Variants in SCHIP1 observed in about 807,000 individuals in gnomAD.
SCHIP1 encodes the protein schwannomin interacting protein 1.
In SCHIP1, 8 loss-of-function variants were observed where a neutral mutation model predicts 29.7. The ratio of observed to expected loss-of-function variants is 0.27; its 90% CI spans 0.16 to 0.49. The LOEUF (loss-of-function observed/expected upper bound fraction) is 0.49, where lower values mean the gene tolerates loss of function less well. SCHIP1 is among the 20% of genes least tolerant of loss of function. The pLI is 0.99. For synonymous variants in SCHIP1, 76 were observed against 94.9 expected (o/e 0.80, Z 1.16); for missense variants, 193 against 294.6 (o/e 0.66, Z 2.52).
chr3:159,560,981 A>C, the SCHIP1 span, among the ~76,000 whole-genome samples: 2 of 152,150 alleles, frequency 1.3e-5, no homozygotes, highest in South Asian at 4.1e-4. Flanking sequence ...GATACTCTGG[A>C]AAGCATTTTT....
chr3:159,718,633 T>C, the SCHIP1 span, among the ~76,000 whole-genome samples: 4 of 152,190 alleles, frequency 2.6e-5, no homozygotes, highest in South Asian at 2.1e-4. Flanking sequence ...CCATTCACAA[T>C]TGCTTCAAAG....
At chr3:159,877,279 G>A (rs1001638265) in intron 2 of SCHIP1, among the ~76,000 whole-genome samples, 3 of 152,178 alleles carry the variant, frequency 2.0e-5, no homozygotes, top group African/African-American at 7.2e-5. Context: ...TAACCCTGGA[G>A]GCAGAGGTTG....
chr3:159,750,339 A>G, the SCHIP1 span, among the ~76,000 whole-genome samples: 1 of 151,066 alleles, frequency 6.6e-6, no homozygotes, highest in South Asian at 2.1e-4. Flanking sequence ...ATATATGCAC[A>G]TATATAATTT....
the SCHIP1 span, among the ~76,000 whole-genome samples, chr3:159,319,790 T>A: frequency 1.3e-5 from 2 of 152,328 alleles, no homozygotes; most frequent in Admixed American, 1.3e-4. Context: ...ATAAAAGCAT[T>A]TCCTCCTTTT....
At chr3:159,293,114 C>A in the SCHIP1 span, among the ~76,000 whole-genome samples, 2 of 152,054 alleles carry the variant, frequency 1.3e-5, no homozygotes, top group Non-Finnish European at 2.9e-5. Flanking sequence ...ACATGATAAC[C>A]AATAATTAAA....
At chr3:159,888,088 A>G in intron 4 of SCHIP1, 183 bp downstream of exon 5, 1 of 820,056 alleles carries the variant, frequency 1.2e-6, no homozygotes, top group South Asian at 1.9e-5. Flanking sequence ...TGAAAAATAC[A>G]GAAGCAATAG....
the SCHIP1 span, among the ~76,000 whole-genome samples, chr3:159,428,873 G>C: frequency 1.3e-5 from 2 of 152,114 alleles, no homozygotes; most frequent in East Asian, 1.9e-4. Context: ...GCCATAAAAA[G>C]TGATGAGTTC....
At chr3:159,741,952 T>C in the SCHIP1 span, among the ~76,000 whole-genome samples, 1 of 152,256 alleles carries the variant, frequency 6.6e-6, no homozygotes, top group East Asian at 1.9e-4. Flanking sequence ...AAAAGGAGGC[T>C]GGGCACGGTG....
intron 2 of SCHIP1, among the ~76,000 whole-genome samples, chr3:159,868,053 A>G (rs1459431188): frequency 1.4e-5 from 2 of 139,564 alleles, no homozygotes; most frequent in Non-Finnish European, 1.6e-5. Context: ...ACATATACCT[A>G]TGTACATATA....
At chr3:159,331,895 A>G in the SCHIP1 span, among the ~76,000 whole-genome samples, 4 of 152,214 alleles carry the variant, frequency 2.6e-5, no homozygotes, top group African/African-American at 9.6e-5. Flanking sequence ...TCATGGTTTT[A>G]TATCATCCCG....
At chr3:159,406,503 G>A in the SCHIP1 span, among the ~76,000 whole-genome samples, 21,069 of 152,138 alleles carry the variant, frequency 0.14, 1,705 homozygotes, top group African/African-American at 0.2. Context: ...TCTTAAGTAC[G>A]AAAGAAAAGG....
At chr3:159,599,126 TG>T in the SCHIP1 span, among the ~76,000 whole-genome samples, 1 of 152,230 alleles carries the variant, frequency 6.6e-6, no homozygotes, top group Admixed American at 6.5e-5. Context: ...GAGGGGTTTT[TG>T]TTTCTTAGTC....
the SCHIP1 span, among the ~76,000 whole-genome samples, chr3:159,649,053 T>C: frequency 6.6e-6 from 1 of 152,204 alleles, no homozygotes; most frequent in South Asian, 2.1e-4. Context: ...AGAACTCTGA[T>C]GGAAGGATTT....
the SCHIP1 span, among the ~76,000 whole-genome samples, chr3:159,603,277 T>C: frequency 6.6e-6 from 1 of 152,198 alleles, no homozygotes; most frequent in Non-Finnish European, 1.5e-5. Flanking sequence ...GGAACTTCCA[T>C]GTATTTGGCT....
At chr3:159,706,526 C>G in the SCHIP1 span, among the ~76,000 whole-genome samples, 1 of 152,198 alleles carries the variant, frequency 6.6e-6, no homozygotes, top group Non-Finnish European at 1.5e-5. Flanking sequence ...TAAATCTGGT[C>G]AGACCATATC....
At chr3:159,722,974 C>G in the SCHIP1 span, among the ~76,000 whole-genome samples, 1 of 152,166 alleles carries the variant, frequency 6.6e-6, no homozygotes, top group Non-Finnish European at 1.5e-5. Context: ...TGTGGCATCT[C>G]TTCCTCCCCT....
the SCHIP1 span, chr3:159,722,518 T>A: frequency 6.6e-6 from 1 of 152,306 alleles, no homozygotes; most frequent in Non-Finnish European, 1.5e-5. Flanking sequence ...CAAGGTCTAA[T>A]CAAGGATTTA....
the SCHIP1 span, among the ~76,000 whole-genome samples, chr3:159,515,646 T>A: frequency 1.3e-5 from 2 of 152,240 alleles, no homozygotes; most frequent in African/African-American, 4.8e-5. Flanking sequence ...AGCATGGTTC[T>A]AAGGCATATA....
chr3:159,508,335 T>C, the SCHIP1 span, among the ~76,000 whole-genome samples: 3 of 152,144 alleles, frequency 2.0e-5, no homozygotes, highest in Non-Finnish European at 4.4e-5. Context: ...TTTTTTATTG[T>C]GTCTATTTGA....
Sources: gnomAD v4.1 joint callset for allele counts (sites outside exome capture counted in the v4.1 genomes callset) on GRCh38, gnomAD v4.1.1 for gene constraint, MANE v1.5 for transcripts, NCBI Gene and HGNC (gene_info 2026-07-23, HGNC 2026-07-21) for gene names.